ROBO2: variants seen among roughly 807,000 people sequenced by gnomAD.
ROBO2 encodes roundabout guidance receptor 2, also known as roundabout homolog 2.
ROBO2 carries 53 observed loss-of-function variants against 160.8 expected under a neutral mutation model. The observed-to-expected ratio is 0.33, with a 90% CI of 0.26 to 0.41. ROBO2 has a LOEUF of 0.41. ROBO2 is among the 10% of genes least tolerant of loss of function. The pLI, the probability that ROBO2 is intolerant of heterozygous loss-of-function variation, is 1.00. For missense variants in ROBO2, 1,577 were observed against 1,722.4 expected, an observed-to-expected ratio of 0.92 and a Z score of 1.49; for synonymous variants, 664 against 611.7, an observed-to-expected ratio of 1.09 and a Z score of -1.26.
At chr3:77,548,758 G>C (rs1314272077) in intron 7 of ROBO2, among the ~76,000 whole-genome samples, 1 of 151,824 alleles carries the variant, frequency 6.6e-6, no homozygotes, top group Non-Finnish European at 1.5e-5. Flanking sequence ...CCATCAGAGA[G>C]ATAGAGGTAG....
At chr3:77,492,913 C>G (rs1299704965) in intron 4 of ROBO2, among the ~76,000 whole-genome samples, 2 of 152,164 alleles carry the variant, frequency 1.3e-5, no homozygotes, top group Non-Finnish European at 2.9e-5. Flanking sequence ...CATTTTTAAT[C>G]TCTCTTTTTC....
intron 2 of ROBO2, among the ~76,000 whole-genome samples, chr3:77,114,099 G>T (rs2073962829): frequency 1.3e-5 from 2 of 152,156 alleles, no homozygotes; most frequent in South Asian, 2.1e-4. Context: ...ACCACGTTCT[G>T]ACCATTTTCT....
At chr3:77,517,607 C>T (rs750285426) in intron 5 of ROBO2, among the ~76,000 whole-genome samples, 8 of 151,432 alleles carry the variant, frequency 5.3e-5, no homozygotes, top group Non-Finnish European at 1.0e-4. Context: ...CTGTTACAGT[C>T]GTCCCTTCTG....
intron 2 of ROBO2, among the ~76,000 whole-genome samples, chr3:76,112,726 A>T (rs937587842): frequency 6.6e-6 from 1 of 152,032 alleles, no homozygotes; most frequent in African/African-American, 2.4e-5. Flanking sequence ...TTCTCAAATG[A>T]TTTTTAAATA....
At chr3:77,483,328 C>A (rs1451334646) in intron 4 of ROBO2, among the ~76,000 whole-genome samples, 1 of 151,930 alleles carries the variant, frequency 6.6e-6, no homozygotes, top group Non-Finnish European at 1.5e-5. Context: ...CGAGAAACCC[C>A]TTCTGTATCT....
chr3:77,638,748 T>C (rs1004701434), intron 24 of ROBO2, among the ~76,000 whole-genome samples: 3 of 151,442 alleles, frequency 2.0e-5, no homozygotes, highest in Non-Finnish European at 4.4e-5. Context: ...CTAAAAAAGA[T>C]AGATCTGTCT....
intron 2 of ROBO2, among the ~76,000 whole-genome samples, chr3:76,272,832 T>TATATATTTTATATATAAAATATTTAAA (rs1559705683): frequency 2.6e-5 from 1 of 38,302 alleles, no homozygotes. Context: ...ATATATAAAA[T>TATATATTTTATATATAAAATATTTAAA]ATATATATTA....
At chr3:76,119,909 C>A (rs1446434639) in intron 2 of ROBO2, among the ~76,000 whole-genome samples, 6 of 93,006 alleles carry the variant, frequency 6.5e-5, no homozygotes, top group African/African-American at 1.4e-4. Flanking sequence ...CCCTTCCTTC[C>A]CTCCCTCCCT....
chr3:76,893,030 G>A (rs2074470976), intron 2 of ROBO2, among the ~76,000 whole-genome samples: 1 of 151,920 alleles, frequency 6.6e-6, no homozygotes, highest in African/African-American at 2.4e-5. Flanking sequence ...TCTGTTTTTT[G>A]CCTGAAACTG....
At chr3:76,116,044 T>C (rs1228866252) in intron 2 of ROBO2, among the ~76,000 whole-genome samples, 1 of 152,162 alleles carries the variant, frequency 6.6e-6, no homozygotes, top group African/African-American at 2.4e-5. Flanking sequence ...CATATCAGTA[T>C]TGTTAGAACC....
At chr3:76,423,343 G>A (rs560866693) in intron 2 of ROBO2, among the ~76,000 whole-genome samples, 6 of 152,190 alleles carry the variant, frequency 3.9e-5, no homozygotes, top group African/African-American at 9.6e-5. Flanking sequence ...GAACATTTAC[G>A]TTTTCCTCCA....
intron 6 of ROBO2, among the ~76,000 whole-genome samples, chr3:77,539,163 A>G (rs1582809988): frequency 6.6e-6 from 1 of 151,656 alleles, no homozygotes; most frequent in Non-Finnish European, 1.5e-5. Flanking sequence ...CAGACAATCC[A>G]CCCGCCTCGG....
chr3:76,972,460 C>G (rs894904298), intron 2 of ROBO2, among the ~76,000 whole-genome samples: 2 of 151,760 alleles, frequency 1.3e-5, no homozygotes, highest in African/African-American at 4.8e-5. Context: ...TATTTTATTG[C>G]TAGTAAGAAG....
chr3:77,559,376 T>A (rs2093245055), intron 9 of ROBO2, among the ~76,000 whole-genome samples: 1 of 152,044 alleles, frequency 6.6e-6, no homozygotes, highest in Admixed American at 6.6e-5. Flanking sequence ...GTAAGTCCCT[T>A]CCTCCTACCT....
At chr3:76,398,242 G>A (rs866990515) in intron 2 of ROBO2, among the ~76,000 whole-genome samples, 87 of 149,712 alleles carry the variant, frequency 5.8e-4, no homozygotes, top group African/African-American at 1.8e-3. Context: ...ACCAAACACT[G>A]CATGTTCTCA....
rs1173367067 is a variant in ROBO2, at chr3:76,685,008, GA to G, written c.110-412995del. On this transcript the variant is annotated intron_variant, in intron 2 of 26. Coordinates refer to the ROBO2 transcript ENST00000487694. ...AAGTCTTTCCACCACCCATGGAAAG[GA>G]AAAAAAAAAATTCCCCCACCCCCAG... Among the ~76,000 whole-genome samples the G allele has an allele frequency of 2.2e-3, 313 of 145,444 alleles. 2 individuals are homozygous for G. The East Asian group carries it at 0.022, about 10-fold the overall frequency.
chr3:76,181,793 A>G (rs953124004), intron 2 of ROBO2, among the ~76,000 whole-genome samples: 1 of 144,560 alleles, frequency 6.9e-6, no homozygotes, highest in South Asian at 2.2e-4. Context: ...TTTATGTCCT[A>G]AAAAAAAAGG....
intron 2 of ROBO2, among the ~76,000 whole-genome samples, chr3:76,171,611 T>C (rs993803793): frequency 6.6e-6 from 1 of 152,042 alleles, no homozygotes; most frequent in Non-Finnish European, 1.5e-5. Flanking sequence ...TCCTCTTTTT[T>C]CTCTCCGAGC....
chr3:76,590,711 T>C (rs1015142769), intron 2 of ROBO2, among the ~76,000 whole-genome samples: 1 of 152,192 alleles, frequency 6.6e-6, no homozygotes, highest in Non-Finnish European at 1.5e-5. Context: ...GGAGTGTTTA[T>C]ATTTTTTTAT....
Sources: gnomAD v4.1 joint callset for allele counts (sites outside exome capture counted in the v4.1 genomes callset) on GRCh38, gnomAD v4.1.1 for gene constraint, MANE v1.5 for transcripts, NCBI Gene and HGNC (gene_info 2026-07-23, HGNC 2026-07-21) for gene names.